Variants in MCTP1 observed in about 807,000 individuals in gnomAD.
MCTP1 encodes the protein multiple C2 and transmembrane domain containing 1, also known as multiple C2 and transmembrane domain-containing protein 1.
Under a neutral mutation model 120.6 loss-of-function variants are expected in MCTP1, and 69 were observed. That is an observed-to-expected ratio of 0.57 (90% CI 0.47 to 0.70). The LOEUF is 0.70. MCTP1 is among the 30% of genes least tolerant of loss of function. The probability of loss-of-function intolerance (pLI) is 0.00; values close to 1 mark genes in which losing one functional copy is unlikely to be tolerated. For missense variants in MCTP1, 1,203 were observed against 1,248.8 expected (o/e 0.96, Z 0.55); for synonymous variants, 529 against 493.1 (o/e 1.07, Z -0.96).
intron 3 of MCTP1, among the ~76,000 whole-genome samples, chr5:94,944,046 T>A (rs1818359446): frequency 2.6e-5 from 4 of 152,098 alleles, no homozygotes. Flanking sequence ...TCTTTTTTTT[T>A]CTTTTTATTT....
intron 17 of MCTP1, among the ~76,000 whole-genome samples, chr5:94,846,732 G>A (rs934358942): frequency 9.2e-5 from 14 of 151,922 alleles, no homozygotes; most frequent in Admixed American, 3.9e-4. Context: ...CAATTAAACC[G>A]GAATCATTGA....
chr5:94,928,729 C>T (rs185643430), intron 6 of MCTP1, among the ~76,000 whole-genome samples: 6 of 152,188 alleles, frequency 3.9e-5, no homozygotes, highest in Non-Finnish European at 7.4e-5. Flanking sequence ...TGTTTATATG[C>T]CATTCAAATA....
rs527393800 is a variant in MCTP1, at chr5:94,933,397, A to G, written c.1174-1406T>C. Among the ~76,000 whole-genome samples the G allele has an allele frequency of 3.3e-5, 5 of 151,880 alleles. No individual in the cohort carries two copies. In the South Asian group the frequency reaches 1.0e-3, roughly 32 times the overall value. ...TATTATCATCAGTATCATCATCATC[A>G]TCACCACCACCATCACTTCCTCCAT... On this transcript the variant is annotated intron_variant, in intron 5 of 22. Transcript: ENST00000515393.
intron 19 of MCTP1, among the ~76,000 whole-genome samples, chr5:94,769,475 C>A (rs1773570253): frequency 6.6e-6 from 1 of 151,996 alleles, no homozygotes; most frequent in African/African-American, 2.4e-5. Context: ...TAAATAGGTA[C>A]AATTCTTATA....
intron 1 of MCTP1, among the ~76,000 whole-genome samples, chr5:95,096,854 C>A (rs531209116): frequency 6.6e-6 from 1 of 152,254 alleles, no homozygotes. Context: ...AGCTCCCAAG[C>A]CATCAATGAA....
chr5:94,971,856 G>T (rs1409927194), intron 2 of MCTP1, among the ~76,000 whole-genome samples: 15 of 152,106 alleles, frequency 9.9e-5, no homozygotes, highest in Admixed American at 9.8e-4. Context: ...TATAATCACA[G>T]TTCATTCTAC....
rs542124009 is a variant in MCTP1 at position 94,993,741 on chromosome 5, T to A, written c.838+23626A>T. 7.6e-4 allele frequency among the ~76,000 whole-genome samples: 116 copies of A among 152,276 alleles called. 1 individual carries two copies. The highest frequency in any genetic ancestry group is 2.7e-3 in the African/African-American group (112 of 41,572). ...GGGGAACTGAACCGTAAATAATGTC[T>A]GGCCTCTGATCTAGAAACTTTGTGT... On this transcript the variant is annotated intron_variant, in intron 2 of 22. Coordinates refer to ENST00000515393, the MANE Select transcript of MCTP1 (RefSeq NM_024717.7).
intron 11 of MCTP1, 102 bp from the exon 12 acceptor site, chr5:94,889,074 G>T: frequency 1.4e-6 from 1 of 720,270 alleles, no homozygotes; most frequent in South Asian, 1.9e-5. Flanking sequence ...TCAGACTCTG[G>T]GGGTAAGAAG....
rs544709653 is a variant in MCTP1 at position 95,250,534 on chromosome 5, T to A, written c.720+33322A>T. On this transcript the variant is annotated intron_variant, in intron 1 of 22. Transcript: ENST00000515393. ...TATGTTTAGTATAATGCAAAGAAAATAAGATTTAGAGTCAGGCTGATATAA... is the reference window on the plus strand; with the variant it reads ...TATGTTTAGTATAATGCAAAGAAAAAAAGATTTAGAGTCAGGCTGATATAA... Among the ~76,000 whole-genome samples the A allele has an allele frequency of 3.3e-5, 5 of 152,208 alleles. No individual in the cohort carries two copies. In the East Asian group the frequency reaches 9.6e-4, roughly 29 times the overall value.
At chr5:94,710,297 T>TAG (rs1354389024) in intron 21 of MCTP1, 8 of 152,266 alleles carry the variant, frequency 5.3e-5, no homozygotes, top group Admixed American at 3.3e-4. Flanking sequence ...TAGGTCTTTA[T>TAG]AGAAACATTC....
chr5:95,103,509 T>C (rs537328508), intron 1 of MCTP1, among the ~76,000 whole-genome samples: 4 of 152,290 alleles, frequency 2.6e-5, no homozygotes, highest in East Asian at 1.9e-4. Context: ...AAGGACCTCA[T>C]ATATAAAGCA....
At chr5:95,089,797 A>C (rs528715828) in intron 1 of MCTP1, among the ~76,000 whole-genome samples, 100 of 152,328 alleles carry the variant, frequency 6.6e-4, no homozygotes, top group African/African-American at 2.2e-3. Flanking sequence ...CTAGCTCACA[A>C]ACTGTCACCA....
chr5:94,847,676 G>GTATATATA (rs1457954338), intron 17 of MCTP1, among the ~76,000 whole-genome samples: 12 of 132,576 alleles, frequency 9.1e-5, no homozygotes, highest in African/African-American at 3.0e-4. Flanking sequence ...GTGTGTGTGT[G>GTATATATA]TGTGTGTATA....
At chr5:94,921,039 C>T (rs1248260085) in intron 7 of MCTP1, among the ~76,000 whole-genome samples, 1 of 152,020 alleles carries the variant, frequency 6.6e-6, no homozygotes, top group South Asian at 2.1e-4. Context: ...AGGTGGTTTG[C>T]TCAATTAACT....
chr5:94,891,975 T>G (rs778463764), intron 11 of MCTP1, among the ~76,000 whole-genome samples: 6 of 152,102 alleles, frequency 3.9e-5, no homozygotes, highest in Non-Finnish European at 7.4e-5. Flanking sequence ...AAGATTGAAA[T>G]GCTCTGGAGA....
intron 11 of MCTP1, among the ~76,000 whole-genome samples, chr5:94,894,367 T>C (rs1262016427): frequency 6.6e-6 from 1 of 152,244 alleles, no homozygotes; most frequent in African/African-American, 2.4e-5. Flanking sequence ...CTGGCCTTCC[T>C]ATATGGGTAG....
chr5:95,044,244 A>G (rs1205932548), intron 1 of MCTP1, among the ~76,000 whole-genome samples: 1 of 152,324 alleles, frequency 6.6e-6, no homozygotes, highest in East Asian at 1.9e-4. Flanking sequence ...CAATGGAACG[A>G]ATTTCTTTTC....
intron 6 of MCTP1, among the ~76,000 whole-genome samples, chr5:94,925,986 T>A (rs1812994147): frequency 6.6e-6 from 1 of 152,158 alleles, no homozygotes; most frequent in African/African-American, 2.4e-5. Context: ...ATTAACCAGA[T>A]TTTAGAGTAA....
chr5:94,877,609 G>A (rs1479402943), intron 12 of MCTP1: 1 of 152,044 alleles, frequency 6.6e-6, no homozygotes, highest in East Asian at 1.9e-4. Flanking sequence ...CGGCACCAAG[G>A]ATTAAATGGG....
Sources: allele counts gnomAD v4.1 joint callset (sites outside exome capture counted in the v4.1 genomes callset), GRCh38; gene constraint gnomAD v4.1.1; transcripts MANE v1.5; gene names NCBI Gene and HGNC (gene_info 2026-07-23, HGNC 2026-07-21).